The following TMEM165 variants were observed in gnomAD, a reference collection of about 807,000 sequenced individuals.
The protein encoded by TMEM165 is putative divalent cation/proton antiporter TMEM165.
In TMEM165, 19 loss-of-function variants were observed where a neutral mutation model predicts 30.0. The ratio of observed to expected loss-of-function variants is 0.63; its 90% confidence interval spans 0.44 to 0.93. The LOEUF is 0.93. Among genes scored for constraint, TMEM165 ranks in the 40% least tolerant of loss-of-function variants. TMEM165 has a pLI of 0.00. For synonymous variants in TMEM165, 168 were observed against 162.9 expected, an observed-to-expected ratio of 1.03 and a Z score of -0.24; for missense variants, 340 against 417.0, an observed-to-expected ratio of 0.82 and a Z score of 1.61.
chr4:55,432,410 T>C (rs534262856), intron 3 of TMEM165: 2 of 151,570 alleles, frequency 1.3e-5, no homozygotes, highest in South Asian at 4.2e-4. Context: ...CAGTAGTTTC[T>C]TACCTAAAAA....
intron 1 of TMEM165, among the ~76,000 whole-genome samples, chr4:55,402,385 G>A (rs1169801793): frequency 9.7e-5 from 6 of 61,924 alleles, no homozygotes; most frequent in Admixed American, 1.8e-4. Flanking sequence ...GTTTAAGTGC[G>A]TGCGTGTGTG....
chr4:55,443,654 C>A (rs2109691728), intron 3 of TMEM165: 1 of 1,549,092 alleles, frequency 6.5e-7, no homozygotes, highest in Non-Finnish European at 8.9e-7. Flanking sequence ...AACCACTGAT[C>A]ACTCCATAGC....
intron 2 of TMEM165, chr4:55,412,182 CA>C (rs1721531930): frequency 3.2e-6 from 1 of 314,766 alleles, no homozygotes; most frequent in African/African-American, 2.2e-5. Flanking sequence ...ATCACGAGGT[CA>C]GGAGTTCCGA....
At chr4:55,408,893 G>T (rs781065106) in intron 1 of TMEM165, among the ~76,000 whole-genome samples, 4 of 148,354 alleles carry the variant, frequency 2.7e-5, no homozygotes, top group African/African-American at 5.0e-5. Flanking sequence ...AGGAAAATGT[G>T]TCAGAGCCAA....
At chr4:55,410,858 C>T (rs1253164666) in intron 1 of TMEM165, among the ~76,000 whole-genome samples, 2 of 152,072 alleles carry the variant, frequency 1.3e-5, no homozygotes, top group African/African-American at 2.4e-5. Context: ...TTTGGCCAAG[C>T]GTGGTGGCTC....
At chr4:55,404,934 A>G (rs1721210245) in intron 1 of TMEM165, among the ~76,000 whole-genome samples, 1 of 152,228 alleles carries the variant, frequency 6.6e-6, no homozygotes, top group South Asian at 2.1e-4. Flanking sequence ...TGAGTATCAA[A>G]TGCAACAATG....
intron 2 of TMEM165, among the ~76,000 whole-genome samples, chr4:55,414,411 T>C (rs1181261114): frequency 1.3e-5 from 2 of 152,258 alleles, no homozygotes; most frequent in Admixed American, 1.3e-4. Context: ...TCTTCTCTTT[T>C]ATAGCTTTAT....
chr4:55,450,373 G>T, intron 3 of TMEM165: 1 of 900,126 alleles, frequency 1.1e-6, no homozygotes, highest in Non-Finnish European at 1.8e-6. Context: ...CACATGTAAA[G>T]AAATGAAAAT....
intron 5 of TMEM165, 135 bp downstream of exon 5, chr4:55,424,778 GTATTAA>G: frequency 1.9e-6 from 1 of 528,730 alleles, no homozygotes; most frequent in South Asian, 2.7e-5. Flanking sequence ...TCTTATAGAG[GTATTAA>G]TCCTGGTATT....
intron 3 of TMEM165, among the ~76,000 whole-genome samples, chr4:55,437,485 T>C (rs151210118): frequency 2.9e-4 from 44 of 152,336 alleles, no homozygotes; most frequent in Non-Finnish European, 5.0e-4. Context: ...CTGTATCCTA[T>C]AGATAAGGAG....
At chr4:55,406,888 C>T (rs1721293186) in intron 1 of TMEM165, among the ~76,000 whole-genome samples, 1 of 152,222 alleles carries the variant, frequency 6.6e-6, no homozygotes, top group South Asian at 2.1e-4. Flanking sequence ...TCTTGAACTC[C>T]TGGGCTCAAG....
chr4:55,424,129 A>G (rs1298397841), intron 4 of TMEM165: 2 of 160,040 alleles, frequency 1.2e-5, no homozygotes, highest in African/African-American at 4.8e-5. Flanking sequence ...GAGGCATACT[A>G]TTCTGTGAAG....
chr4:55,452,892 CTAAAA>C, exon 4 of TMEM165: 2 of 555,160 alleles, frequency 3.6e-6, no homozygotes, highest in Non-Finnish European at 6.2e-6. Flanking sequence ...AGGTGAGACT[CTAAAA>C]TATTAAATTA....
intron 4 of TMEM165, among the ~76,000 whole-genome samples, chr4:55,422,848 A>G (rs1471318951): frequency 6.6e-6 from 1 of 151,328 alleles, no homozygotes; most frequent in Non-Finnish European, 1.5e-5. Context: ...ACAGCATTTC[A>G]CCATGTTTCA....
downstream of TMEM165, among the ~76,000 whole-genome samples, chr4:55,426,457 ACCT>A (rs2109570690): frequency 6.6e-6 from 1 of 152,204 alleles, no homozygotes; most frequent in Non-Finnish European, 1.5e-5. Context: ...TGCTAAGACT[ACCT>A]CATTTTTTCA....
In TMEM165 at chr4:55,417,259, C is replaced by T; in HGVS notation, c.609+12C>T. 6.2e-7 allele frequency: 1 copy of T among 1,606,334 alleles called. No homozygotes were observed. The highest frequency in any genetic ancestry group is 8.5e-7 in the Non-Finnish European group (1 of 1,177,070). Reference sequence around the variant, plus strand: ...AGAAAGATGAAGAAGTAAGCCATGGCACTGTTGATCTGGACCAAAAAGGCA... The same window carrying T: ...AGAAAGATGAAGAAGTAAGCCATGGTACTGTTGATCTGGACCAAAAAGGCA... On this transcript the variant is annotated intron_variant, in intron 3 of 5. Coordinates refer to ENST00000381334, the MANE Select transcript of TMEM165 (RefSeq NM_018475.5).
intron 2 of TMEM165, chr4:55,412,265 GC>G (rs1439418202): frequency 4.2e-6 from 1 of 238,846 alleles, no homozygotes; most frequent in African/African-American, 2.4e-5. Context: ...ATGGTAATGT[GC>G]ACCTGTAATC....
At chr4:55,410,526 A>T (rs1350957975) in intron 1 of TMEM165, among the ~76,000 whole-genome samples, 1 of 152,178 alleles carries the variant, frequency 6.6e-6, no homozygotes, top group African/African-American at 2.4e-5. Context: ...CTCCCGTCTC[A>T]GCCTCCCAAG....
chr4:55,417,163 T>C lies in TMEM165; in HGVS notation c.525T>C (p.Leu175=). The C allele has an allele frequency of 6.2e-7, 1 of 1,614,078 alleles. No homozygotes were observed. Among genetic ancestry groups the C allele is most frequent in the Non-Finnish European group, 8.5e-7 (1 of 1,180,002 alleles). The change falls in exon 3 of 6, where the codon CTT becomes CTC. Residue 175 remains leucine (L), a synonymous_variant. Coordinates refer to ENST00000381334, the MANE Select transcript of TMEM165 (RefSeq NM_018475.5). ...TTGCCATTTTTGGCATTAGAATGCTTCGGGAAGGCTTAAAGATGAGCCCTG... is the reference window on the plus strand; with the variant it reads ...TTGCCATTTTTGGCATTAGAATGCTCCGGGAAGGCTTAAAGATGAGCCCTG... ...VLFAIFGIRM[L]REGLKMSPDE...
Sources: allele counts gnomAD v4.1 joint callset (sites outside exome capture counted in the v4.1 genomes callset), GRCh38; gene constraint gnomAD v4.1.1; transcripts MANE v1.5; gene names NCBI Gene and HGNC (gene_info 2026-07-23, HGNC 2026-07-21).